The following RBFOX1 variants were observed in gnomAD, a reference collection of about 807,000 sequenced individuals.
RBFOX1 encodes the protein RNA binding protein fox-1 homolog 1.
In RBFOX1, 8 loss-of-function variants were observed where a neutral mutation model predicts 57.7. The ratio of observed to expected loss-of-function variants is 0.14; its 90% confidence interval spans 0.08 to 0.25. RBFOX1 has a LOEUF of 0.25. Ranked by LOEUF, RBFOX1 falls within the 10% of genes least tolerant of loss-of-function variation. The pLI is 1.00. For missense variants in RBFOX1, 611 were observed against 548.5 expected (o/e 1.11, Z -1.14); for synonymous variants, 326 against 222.4 (o/e 1.47, Z -4.15).
chr16:6,935,059 C>G (rs187568006), intron 3 of RBFOX1, among the ~76,000 whole-genome samples: 1 of 152,042 alleles, frequency 6.6e-6, no homozygotes, highest in Admixed American at 6.6e-5. Flanking sequence ...CCACTGCACT[C>G]CAGCCTGCGT....
At chr16:6,529,341 T>A (rs1414480488) in intron 2 of RBFOX1, among the ~76,000 whole-genome samples, 1 of 152,062 alleles carries the variant, frequency 6.6e-6, no homozygotes, top group African/African-American at 2.4e-5. Flanking sequence ...GGCAGGCAGA[T>A]CAAGTTCAGA....
intron 2 of RBFOX1, among the ~76,000 whole-genome samples, chr16:5,573,905 G>T (rs898554776): frequency 6.6e-6 from 1 of 152,140 alleles, no homozygotes; most frequent in Non-Finnish European, 1.5e-5. Context: ...GGTGAGCTGT[G>T]ATCGCGCCAC....
At chr16:7,284,698 C>G (rs1026851354) in intron 4 of RBFOX1, among the ~76,000 whole-genome samples, 7 of 152,118 alleles carry the variant, frequency 4.6e-5, no homozygotes, top group Admixed American at 2.6e-4. Flanking sequence ...GGTGTTTAAT[C>G]CTGGATCTGA....
At chr16:5,817,604 GGAGA>G (rs1337565481) in intron 3 of RBFOX1, among the ~76,000 whole-genome samples, 1 of 151,894 alleles carries the variant, frequency 6.6e-6, no homozygotes, top group Non-Finnish European at 1.5e-5. Flanking sequence ...GCTGGAGAGG[GGAGA>G]GAGAAAGGAG....
intron 1 of RBFOX1, among the ~76,000 whole-genome samples, chr16:6,125,280 T>C (rs1344431197): frequency 6.6e-6 from 1 of 152,088 alleles, no homozygotes; most frequent in Admixed American, 6.5e-5. Flanking sequence ...AATAAGTCAC[T>C]AGATGGAGGA....
intron 1 of RBFOX1, among the ~76,000 whole-genome samples, chr16:6,160,135 G>A (rs1401624647): frequency 6.6e-6 from 1 of 152,172 alleles, no homozygotes; most frequent in East Asian, 1.9e-4. Flanking sequence ...GGTTTATAAG[G>A]TAATGTGTAC....
intron 14 of RBFOX1, among the ~76,000 whole-genome samples, chr16:7,701,665 A>G (rs1444339876): frequency 6.6e-6 from 1 of 152,202 alleles, no homozygotes; most frequent in Non-Finnish European, 1.5e-5. Context: ...CTTTGAGGAT[A>G]AGTGAGCTTG....
chr16:6,057,891 C>T (rs969398180), intron 1 of RBFOX1, among the ~76,000 whole-genome samples: 9 of 139,750 alleles, frequency 6.4e-5, no homozygotes, highest in East Asian at 2.1e-4. Flanking sequence ...AGTAGGCAAC[C>T]GCTCAGTTGA....
intron 4 of RBFOX1, among the ~76,000 whole-genome samples, chr16:5,996,667 G>C (rs2060496046): frequency 6.6e-6 from 1 of 152,132 alleles, no homozygotes; most frequent in Non-Finnish European, 1.5e-5. Flanking sequence ...GCTTGAAGGG[G>C]TAAGAGAGAG....
intron 1 of RBFOX1, among the ~76,000 whole-genome samples, chr16:6,091,622 G>T (rs1210721991): frequency 6.6e-6 from 1 of 152,174 alleles, no homozygotes; most frequent in Non-Finnish European, 1.5e-5. Flanking sequence ...CTGAGGTCAT[G>T]AGTTCGAGAC....
At chr16:5,994,775 A>G (rs544405906) in intron 4 of RBFOX1, among the ~76,000 whole-genome samples, 1 of 152,198 alleles carries the variant, frequency 6.6e-6, no homozygotes, top group Non-Finnish European at 1.5e-5. Context: ...ACTCCACACC[A>G]CAAATTCCTC....
At chr16:7,381,373 C>G (rs762337789) in intron 4 of RBFOX1, among the ~76,000 whole-genome samples, 14 of 152,154 alleles carry the variant, frequency 9.2e-5, no homozygotes, top group Non-Finnish European at 1.9e-4. Flanking sequence ...GAAAGAAAAC[C>G]ATATTTGAAA....
At chr16:6,730,873 G>A (rs768885715) in intron 3 of RBFOX1, among the ~76,000 whole-genome samples, 2 of 152,172 alleles carry the variant, frequency 1.3e-5, no homozygotes, top group South Asian at 4.1e-4. Context: ...ACCCCACCCT[G>A]CTTCCTTGAA....
At chr16:7,021,756 A>C (rs1426733995) in intron 3 of RBFOX1, among the ~76,000 whole-genome samples, 1 of 150,778 alleles carries the variant, frequency 6.6e-6, no homozygotes, top group Non-Finnish European at 1.5e-5. Context: ...CAAGAGTAAC[A>C]GTTTTTATTT....
chr16:5,439,143 C>G (rs1004079451), intron 1 of RBFOX1, among the ~76,000 whole-genome samples: 4 of 151,666 alleles, frequency 2.6e-5, no homozygotes, highest in East Asian at 1.9e-4. Flanking sequence ...TTGGGAAAAG[C>G]AAGCAGGGTG....
chr16:6,406,547 CTGTT>C (rs1317672952), intron 2 of RBFOX1, among the ~76,000 whole-genome samples: 80 of 150,868 alleles, frequency 5.3e-4, no homozygotes, highest in African/African-American at 1.9e-3. Context: ...CTTCTTTTCT[CTGTT>C]TGTAGACCTA....
At chr16:6,848,724 T>G (rs2093901446) in intron 3 of RBFOX1, among the ~76,000 whole-genome samples, 1 of 151,996 alleles carries the variant, frequency 6.6e-6, no homozygotes, top group Non-Finnish European at 1.5e-5. Flanking sequence ...TGGATAATCT[T>G]TAACGTTCAG....
chr16:7,659,166 C>T (rs535857936), intron 12 of RBFOX1, among the ~76,000 whole-genome samples: 63 of 152,274 alleles, frequency 4.1e-4, no homozygotes, highest in African/African-American at 1.5e-3. Context: ...CCAGAGTTAC[C>T]TTGAGAAGTA....
At chr16:6,213,484 G>A (rs1010973115) in intron 1 of RBFOX1, among the ~76,000 whole-genome samples, 1 of 152,164 alleles carries the variant, frequency 6.6e-6, no homozygotes, top group Admixed American at 6.5e-5. Flanking sequence ...TACTGCCTGA[G>A]AGTCTCTGGC....
Sources: allele counts gnomAD v4.1 joint callset (sites outside exome capture counted in the v4.1 genomes callset), GRCh38; gene constraint gnomAD v4.1.1; transcripts MANE v1.5; gene names NCBI Gene and HGNC (gene_info 2026-07-23, HGNC 2026-07-21).